GSE1: variants seen among roughly 807,000 people sequenced by gnomAD.
GSE1 encodes Gse1 coiled-coil protein.
In GSE1, 32 loss-of-function variants were observed where a neutral mutation model predicts 112.6. That is an observed-to-expected ratio of 0.28 (90% confidence interval 0.21 to 0.38). The LOEUF (loss-of-function observed/expected upper bound fraction) is 0.38, where lower values mean the gene tolerates loss of function less well. Among genes scored for constraint, GSE1 ranks in the 10% least tolerant of loss-of-function variants. GSE1 has a pLI of 1.00. For missense variants in GSE1, 2,348 were observed against 1,699.2 expected, an observed-to-expected ratio of 1.38 and a Z score of -6.71; for synonymous variants, 1,115 against 735.6, an observed-to-expected ratio of 1.52 and a Z score of -8.35.
At chr16:85,583,759 G>T (rs886652666) in intron 1 of GSE1, among the ~76,000 whole-genome samples, 1 of 152,058 alleles carries the variant, frequency 6.6e-6, no homozygotes. Flanking sequence ...GGCCTCACCC[G>T]CCCCCCGTCC....
chr16:85,391,417 G>A (rs2047836288), intron 2 of GSE1, among the ~76,000 whole-genome samples: 1 of 152,218 alleles, frequency 6.6e-6, no homozygotes, highest in Admixed American at 6.5e-5. Context: ...TTCTCCCACA[G>A]TTCTGGAGGC....
chr16:85,504,059 G>A (rs2051457327), intron 2 of GSE1, among the ~76,000 whole-genome samples: 4 of 152,208 alleles, frequency 2.6e-5, no homozygotes, highest in Admixed American at 2.6e-4. Flanking sequence ...TGCCTCCCAC[G>A]GTGCTGCCCG....
chr16:85,327,666 T>C (rs534694265), intron 1 of GSE1, among the ~76,000 whole-genome samples: 1 of 152,240 alleles, frequency 6.6e-6, no homozygotes, highest in South Asian at 2.1e-4. Flanking sequence ...AGGTGGGAAA[T>C]ACTGTTGTGG....
At chr16:85,342,460 C>A (rs1488145783) in intron 1 of GSE1, among the ~76,000 whole-genome samples, 1 of 152,120 alleles carries the variant, frequency 6.6e-6, no homozygotes, top group Non-Finnish European at 1.5e-5. Flanking sequence ...CTCCTTCAGT[C>A]ATTGTGTCAC....
At chr16:85,253,385 C>G (rs1190573228) in intron 1 of GSE1, among the ~76,000 whole-genome samples, 1 of 152,198 alleles carries the variant, frequency 6.6e-6, no homozygotes, top group African/African-American at 2.4e-5. Context: ...CCAGATCCTG[C>G]AGAGCTGCAG....
chr16:85,474,493 T>C (rs909859010), intron 2 of GSE1, among the ~76,000 whole-genome samples: 1 of 151,916 alleles, frequency 6.6e-6, no homozygotes, highest in African/African-American at 2.4e-5. Flanking sequence ...CACATTTCAT[T>C]TTCCTCTCTG....
At chr16:85,582,154 A>C (rs1240446675) in intron 1 of GSE1, 16 of 152,206 alleles carry the variant, frequency 1.1e-4, no homozygotes, top group Admixed American at 1.0e-3. Flanking sequence ...GTGTCATCGC[A>C]CTGAAAACTC....
In GSE1 at chr16:85,671,097, C is replaced by T. The variant is rs769755850; in HGVS notation, c.3518C>T (p.Ala1173Val). The change falls in exon 15 of 16, where the codon GCG becomes GTG. Residue 1173 changes from alanine to valine, a missense_variant and splice_region_variant. Physicochemically the swap from Ala to Val is moderately conservative, Grantham distance 64. Coordinates refer to ENST00000253458, the MANE Select transcript of GSE1 (RefSeq NM_014615.5). ...LTAEQLSHSV[A>V]ELRSQKQKMV... Reference sequence around the variant, plus strand: ...GCAGAGCAGCTCTCCCACAGCGTGGCGGTGAGTTGGGAAGGGATGGAAACC... The same window carrying T: ...GCAGAGCAGCTCTCCCACAGCGTGGTGGTGAGTTGGGAAGGGATGGAAACC... 1.5e-5 allele frequency: 24 copies of T among 1,581,190 alleles called. No individual in the cohort carries two copies. Among genetic ancestry groups the T allele is most frequent in the Middle Eastern group, 1.7e-4 (1 of 6,000 alleles).
intron 1 of GSE1, among the ~76,000 whole-genome samples, chr16:85,627,107 A>C (rs543575458): frequency 6.2e-5 from 6 of 97,300 alleles, no homozygotes; most frequent in Non-Finnish European, 1.1e-4. Context: ...ACCCTATTAG[A>C]AACCTAGCCA....
rs569166762 is a variant in GSE1 at position 85,315,271 on chromosome 16, C to T, written c.2284-42192C>T. Among the ~76,000 whole-genome samples, 175 of 152,296 alleles carry T rather than the reference C, an allele frequency of 1.1e-3. 1 individual carries two copies. Among genetic ancestry groups the T allele is most frequent in the African/African-American group, 4.1e-3 (172 of 41,570 alleles). ...CAGCTCTGCCCCGTCTTCACAGGAGCATTTAGGGCCTGCTCTCCTGCAGTC... is the reference window on the plus strand; with the variant it reads ...CAGCTCTGCCCCGTCTTCACAGGAGTATTTAGGGCCTGCTCTCCTGCAGTC... On this transcript the variant is annotated intron_variant, in intron 1 of 2. Coordinates refer to the GSE1 transcript ENST00000637419.
chr16:85,336,057 A>G (rs1385449678), intron 1 of GSE1, among the ~76,000 whole-genome samples: 2 of 151,906 alleles, frequency 1.3e-5, no homozygotes, highest in Non-Finnish European at 2.9e-5. Flanking sequence ...CGAGATATGG[A>G]GGAACAGGGC....
At position 85,339,881 on chromosome 16, in the gene GSE1, C is replaced by T. The variant is rs193217483; in HGVS notation, c.2284-17582C>T. Among the ~76,000 whole-genome samples, 276 of 152,234 alleles carry T rather than the reference C, an allele frequency of 1.8e-3. 1 individual carries two copies. Among genetic ancestry groups the T allele is most frequent in the Non-Finnish European group, 3.1e-3 (209 of 68,026 alleles). On this transcript the variant is annotated intron_variant, in intron 1 of 2. Coordinates refer to the GSE1 transcript ENST00000637419. Reference sequence around the variant, plus strand: ...CCTGAAATGTCAGCTTCACAGAAGCCGGATCTTTCCCTGTCTTACTCACTG... The same window carrying T: ...CCTGAAATGTCAGCTTCACAGAAGCTGGATCTTTCCCTGTCTTACTCACTG...
chr16:85,441,659 C>CA (rs1342910722), intron 2 of GSE1, among the ~76,000 whole-genome samples: 2 of 141,898 alleles, frequency 1.4e-5, no homozygotes, highest in Admixed American at 6.7e-5. Flanking sequence ...AACACAAAAA[C>CA]AAAAAACAAA....
At chr16:85,644,832 C>G (rs1475620782) in intron 2 of GSE1, among the ~76,000 whole-genome samples, 1 of 148,006 alleles carries the variant, frequency 6.8e-6, no homozygotes, top group African/African-American at 2.5e-5. Context: ...CAACTGAAAC[C>G]CAAGAGCCAT....
rs539463031 is a variant in GSE1, at chr16:85,252,456, C to T, written c.2283+80649C>T. ...ACACTTTCTGGTTTAAGGGGGACAACCCCCGGTCCCCATCTCAAATTTCCC... is the reference window on the plus strand; with the variant it reads ...ACACTTTCTGGTTTAAGGGGGACAATCCCCGGTCCCCATCTCAAATTTCCC... On this transcript the variant is annotated intron_variant, in intron 1 of 2. Transcript: ENST00000637419. Among the ~76,000 whole-genome samples, 10 of 126,024 alleles carry T rather than the reference C, an allele frequency of 7.9e-5. No individual in the cohort carries two copies. The East Asian group carries it at 2.5e-3, about 32-fold the overall frequency. 82.7% of individuals were successfully genotyped at this position (126,024 alleles called of 152,430 possible).
At chr16:85,382,940 C>G (rs976303196) in intron 2 of GSE1, among the ~76,000 whole-genome samples, 16 of 151,320 alleles carry the variant, frequency 1.1e-4, no homozygotes, top group Admixed American at 9.8e-4. Context: ...GCACACAACA[C>G]GTACACATGC....
chr16:85,638,223 G>C (rs1391513603), intron 2 of GSE1, among the ~76,000 whole-genome samples: 1 of 152,254 alleles, frequency 6.6e-6, no homozygotes, highest in Non-Finnish European at 1.5e-5. Flanking sequence ...TTCAGACGAA[G>C]CTGTGGCATG....
intron 1 of GSE1, among the ~76,000 whole-genome samples, chr16:85,208,283 C>T (rs536215958): frequency 1.6e-4 from 24 of 152,174 alleles, no homozygotes; most frequent in Admixed American, 4.6e-4. Flanking sequence ...GGATGCACTC[C>T]GCCACGTCGC....
At chr16:85,245,946 G>T (rs1244879992) in intron 1 of GSE1, among the ~76,000 whole-genome samples, 1 of 151,344 alleles carries the variant, frequency 6.6e-6, no homozygotes, top group Admixed American at 6.6e-5. Flanking sequence ...TGTGTTAGTT[G>T]GGGAGCAGGG....
Sources: gnomAD v4.1 joint callset for allele counts (sites outside exome capture counted in the v4.1 genomes callset) on GRCh38, gnomAD v4.1.1 for gene constraint, MANE v1.5 for transcripts, NCBI Gene and HGNC (gene_info 2026-07-23, HGNC 2026-07-21) for gene names.